Variants in HYCC2 observed in about 807,000 individuals in gnomAD.
The protein encoded by HYCC2 is hyccin PI4KA lipid kinase complex subunit 2.
At chr2:200,976,438 C>G in the HYCC2 span, 1 of 152,158 alleles carries the variant, frequency 6.6e-6, no homozygotes, top group African/African-American at 2.4e-5. Flanking sequence ...AAGACAGGTA[C>G]TACATTTTTT....
chr2:200,988,238 G>T, the HYCC2 span: 4 of 1,582,084 alleles, frequency 2.5e-6, no homozygotes, highest in Non-Finnish European at 3.4e-6. Flanking sequence ...CTCCATGTGT[G>T]GACTATGGGG....
At chr2:201,057,856 G>A in the HYCC2 span, among the ~76,000 whole-genome samples, 35 of 152,144 alleles carry the variant, frequency 2.3e-4, no homozygotes, top group African/African-American at 7.7e-4. Context: ...ACAGTATCTC[G>A]TTGTTCACTA....
the HYCC2 span, among the ~76,000 whole-genome samples, chr2:201,014,939 C>G: frequency 6.6e-6 from 1 of 152,014 alleles, no homozygotes; most frequent in African/African-American, 2.4e-5. Context: ...TAGAAGAAAA[C>G]AGTTTCATAA....
chr2:200,998,625 TA>T, the HYCC2 span, among the ~76,000 whole-genome samples: 7 of 152,354 alleles, frequency 4.6e-5, no homozygotes, highest in East Asian at 1.3e-3. Flanking sequence ...AATGAATAAA[TA>T]AATGCTTTCC....
the HYCC2 span, chr2:201,021,872 T>C: frequency 5.4e-6 from 2 of 369,064 alleles, no homozygotes; most frequent in African/African-American, 4.2e-5. Flanking sequence ...CATTCAGAAA[T>C]ACACTGCAAG....
the HYCC2 span, chr2:200,996,849 T>G: frequency 6.6e-6 from 1 of 152,122 alleles, no homozygotes; most frequent in Non-Finnish European, 1.5e-5. Context: ...GATCTCAAAG[T>G]GATTTACAAA....
chr2:201,045,470 T>G, the HYCC2 span: 46 of 397,982 alleles, frequency 1.2e-4, no homozygotes, highest in Non-Finnish European at 1.7e-4. Context: ...TCTTTATCCT[T>G]TAAAAAGTTA....
the HYCC2 span, chr2:200,992,463 A>C: frequency 2.3e-6 from 2 of 870,374 alleles, no homozygotes; most frequent in East Asian, 4.9e-5. Flanking sequence ...TTGGTTGTGA[A>C]GCAAAACTTT....
the HYCC2 span, among the ~76,000 whole-genome samples, chr2:200,994,546 T>C: frequency 6.6e-5 from 10 of 152,204 alleles, no homozygotes; most frequent in Non-Finnish European, 1.5e-4. Context: ...CTAGAAATTA[T>C]ATCATTTCTA....
At chr2:200,990,526 C>A in the HYCC2 span, among the ~76,000 whole-genome samples, 3 of 152,032 alleles carry the variant, frequency 2.0e-5, no homozygotes, top group Non-Finnish European at 4.4e-5. Flanking sequence ...CTCAGCCTCC[C>A]AAGCAGCTGG....
the HYCC2 span, among the ~76,000 whole-genome samples, chr2:201,035,851 G>C: frequency 0.031 from 4,691 of 152,190 alleles, 260 homozygotes; most frequent in African/African-American, 0.11. Flanking sequence ...GTCTGTTGGA[G>C]TTTGCCGGAG....
At chr2:201,003,391 G>A in the HYCC2 span, among the ~76,000 whole-genome samples, 2 of 152,156 alleles carry the variant, frequency 1.3e-5, no homozygotes, top group Admixed American at 6.5e-5. Context: ...AGCTGAGGCA[G>A]GAGAATAGCT....
the HYCC2 span, among the ~76,000 whole-genome samples, chr2:201,030,988 T>C: frequency 1.3e-5 from 2 of 152,210 alleles, no homozygotes; most frequent in South Asian, 4.1e-4. Context: ...ACCACAACAT[T>C]GTTGCAATCA....
chr2:201,011,258 A>G, the HYCC2 span: 2 of 520,780 alleles, frequency 3.8e-6, no homozygotes, highest in South Asian at 3.3e-5. Flanking sequence ...TCAGTCTTCT[A>G]ATAACAAACA....
At chr2:201,049,133 A>G in the HYCC2 span, among the ~76,000 whole-genome samples, 2 of 151,884 alleles carry the variant, frequency 1.3e-5, no homozygotes, top group African/African-American at 2.4e-5. Context: ...TAAAAAAAAA[A>G]AAAAAGAAAA....
At chr2:201,051,240 G>A in the HYCC2 span, among the ~76,000 whole-genome samples, 22 of 152,114 alleles carry the variant, frequency 1.4e-4, no homozygotes, top group African/African-American at 4.8e-4. Flanking sequence ...AAGAATATCC[G>A]TAAAAAGCCT....
At chr2:201,055,669 G>GC in the HYCC2 span, among the ~76,000 whole-genome samples, 2 of 152,020 alleles carry the variant, frequency 1.3e-5, no homozygotes, top group African/African-American at 4.8e-5. Context: ...CTGCACCCCA[G>GC]CATGGGTGAC....
chr2:201,069,579 C>CACACAA, the HYCC2 span, among the ~76,000 whole-genome samples: 719 of 142,464 alleles, frequency 5.0e-3, 5 homozygotes, highest in African/African-American at 0.018. Flanking sequence ...CACACACACA[C>CACACAA]ACACACACAC....
chr2:200,998,830 G>C, the HYCC2 span, among the ~76,000 whole-genome samples: 2 of 152,128 alleles, frequency 1.3e-5, no homozygotes, highest in Non-Finnish European at 2.9e-5. Flanking sequence ...GAAACTCTTT[G>C]TACTATTTTA....
Sources: allele counts gnomAD v4.1 joint callset (sites outside exome capture counted in the v4.1 genomes callset), GRCh38; gene constraint gnomAD v4.1.1; transcripts MANE v1.5; gene names NCBI Gene and HGNC (gene_info 2026-07-23, HGNC 2026-07-21).